The following PLCZ1 variants were observed in gnomAD, a reference collection of about 807,000 sequenced individuals.
PLCZ1 encodes 1-phosphatidylinositol 4,5-bisphosphate phosphodiesterase zeta-1.
A neutral mutation model predicts 76.8 loss-of-function variants in PLCZ1; 64 were observed. That is an observed-to-expected ratio of 0.83 (90% CI 0.68 to 1.03). The LOEUF (loss-of-function observed/expected upper bound fraction) is 1.03. Among genes scored for constraint, PLCZ1 ranks in the 50% least tolerant of loss-of-function variants. The pLI, the probability that PLCZ1 is intolerant of heterozygous loss-of-function variation, is 0.00. For missense variants in PLCZ1, 751 were observed against 713.7 expected (o/e 1.05, Z -0.60); for synonymous variants, 248 against 230.8 (o/e 1.07, Z -0.68).
rs1199724639 is a variant in PLCZ1 at position 18,699,895 on chromosome 12, G to A, written c.1073C>T (p.Ala358Val). The A allele has an allele frequency of 1.2e-6, 2 of 1,612,410 alleles. No homozygotes were observed. Among genetic ancestry groups the A allele is most frequent in the Admixed American group, 1.7e-5 (1 of 59,924 alleles). ...ATGTTGAAAGCTTTTGAATTTCTCA[G>A]CTTTCGTATAAATGACAAGATCAGA... is the stretch of plus-strand genomic sequence containing the variant. ...ALSDLVIYTK[A>V]EKFKSFQHSR... Residue 358 changes from alanine to valine, a missense_variant, in exon 10 of 15, where the codon GCT becomes GTT. Transcript: ENST00000266505.
intron 13 of PLCZ1, among the ~76,000 whole-genome samples, chr12:18,686,798 A>G (rs1953222448): frequency 6.6e-6 from 1 of 152,106 alleles, no homozygotes; most frequent in Non-Finnish European, 1.5e-5. Flanking sequence ...TTTAATAAAC[A>G]GATTTTAAGT....
chr12:18,653,419 A>G, the PLCZ1 span, among the ~76,000 whole-genome samples: 1 of 152,208 alleles, frequency 6.6e-6, no homozygotes, highest in Non-Finnish European at 1.5e-5. Context: ...CTCTCAATGC[A>G]ATGGGCTTCT....
chr12:18,701,917 T>TA, intron 7 of PLCZ1, 141 bp from the exon 8 acceptor site: 3 of 1,210,528 alleles, frequency 2.5e-6, no homozygotes, highest in South Asian at 1.6e-5. Context: ...CCCATACCCC[T>TA]ATTCACATCT....
chr12:18,694,041 C>T (rs11044250), intron 12 of PLCZ1: 1 of 1,402,830 alleles, frequency 7.1e-7, no homozygotes, highest in African/African-American at 1.4e-5. Flanking sequence ...TTCAAAAAAT[C>T]TAAAGAAAAT....
the PLCZ1 span, among the ~76,000 whole-genome samples, chr12:18,664,247 C>A: frequency 6.6e-6 from 1 of 152,196 alleles, no homozygotes; most frequent in South Asian, 2.1e-4. Flanking sequence ...AGATTTACCA[C>A]ATAATCCTAC....
At chr12:18,720,491 C>G (rs1020220599) in intron 4 of PLCZ1, among the ~76,000 whole-genome samples, 6 of 151,168 alleles carry the variant, frequency 4.0e-5, no homozygotes, top group Non-Finnish European at 1.5e-5. Context: ...AAGACTGGCT[C>G]TGGAAACAGC....
At chr12:18,723,564 G>A in intron 3 of PLCZ1, 22 bp from the exon 4 acceptor site, 1 of 1,563,804 alleles carries the variant, frequency 6.4e-7, no homozygotes, top group Non-Finnish European at 8.8e-7. Context: ...ATGACTGGTG[G>A]GCTCACATTG....
At chr12:18,648,960 G>T in the PLCZ1 span, among the ~76,000 whole-genome samples, 1 of 151,960 alleles carries the variant, frequency 6.6e-6, no homozygotes, top group Admixed American at 6.6e-5. Flanking sequence ...AAAAATCTAA[G>T]CTTTTTCCCA....
chr12:18,703,432 G>C (rs759890718), intron 7 of PLCZ1, among the ~76,000 whole-genome samples: 13 of 152,160 alleles, frequency 8.5e-5, no homozygotes, highest in Non-Finnish European at 1.3e-4. Context: ...TTCAGCCCTG[G>C]AAACTTAGTC....
intron 10 of PLCZ1, among the ~76,000 whole-genome samples, chr12:18,697,414 A>T (rs1356204674): frequency 1.3e-5 from 2 of 152,134 alleles, no homozygotes; most frequent in Non-Finnish European, 2.9e-5. Flanking sequence ...GTCCTAACAG[A>T]TGTCTGTCCT....
chr12:18,650,732 A>G, the PLCZ1 span, among the ~76,000 whole-genome samples: 7 of 26,614 alleles, frequency 2.6e-4, no homozygotes, highest in African/African-American at 2.1e-3. Context: ...ATATATATAT[A>G]TATATATATA....
At chr12:18,695,202 T>C in intron 11 of PLCZ1, 123 bp from the exon 12 acceptor site, 1 of 931,580 alleles carries the variant, frequency 1.1e-6, no homozygotes, top group Non-Finnish European at 1.7e-6. Flanking sequence ...GCAAGTATCA[T>C]TAGCCTAATA....
chr12:18,729,001 C>A (rs1958903024), intron 3 of PLCZ1, among the ~76,000 whole-genome samples: 1 of 150,918 alleles, frequency 6.6e-6, no homozygotes, highest in Non-Finnish European at 1.5e-5. Flanking sequence ...GAAATAATTT[C>A]TCTCTCTCTC....
the PLCZ1 span, among the ~76,000 whole-genome samples, chr12:18,660,480 C>T: frequency 6.6e-6 from 1 of 152,072 alleles, no homozygotes; most frequent in South Asian, 2.1e-4. Context: ...TTCTCCTTTT[C>T]CCCTTTTGAG....
chr12:18,707,072 C>T (rs921289748), intron 6 of PLCZ1, among the ~76,000 whole-genome samples: 8 of 152,200 alleles, frequency 5.3e-5, no homozygotes, highest in Non-Finnish European at 1.0e-4. Flanking sequence ...TCAAATCTCT[C>T]TCTACTTCCT....
At chr12:18,656,930 C>G in the PLCZ1 span, among the ~76,000 whole-genome samples, 2 of 152,118 alleles carry the variant, frequency 1.3e-5, no homozygotes, top group Admixed American at 1.3e-4. Context: ...ATCTCCTGCT[C>G]CCAGCTCAAC....
rs1178023070 is a variant in PLCZ1 at position 18,705,244 on chromosome 12, G to T, written c.786C>A (p.Asp262Glu). The change falls in exon 7 of 15, where the codon GAC becomes GAA. Residue 262 changes from aspartate to glutamate, a missense_variant. Asp to Glu is a conservative substitution (Grantham distance 45). Transcript: ENST00000266505. ...CSTAQQEVMA[D>E]NLQATFGESL... ...ACTCTCCAAAAGTAGCCTGCAAATT[G>T]TCTGCCATTACTTCTTGTTGGGCAG... 2.5e-6 allele frequency: 4 copies of T among 1,614,022 alleles called. No individual in the cohort carries two copies. Among genetic ancestry groups the T allele is most frequent in the Non-Finnish European group, 3.4e-6 (4 of 1,179,990 alleles).
At chr12:18,670,554 A>T in the PLCZ1 span, among the ~76,000 whole-genome samples, 1 of 152,156 alleles carries the variant, frequency 6.6e-6, no homozygotes, top group Admixed American at 6.5e-5. Context: ...ATCTCCAGGG[A>T]TTGATATGAG....
intron 12 of PLCZ1, among the ~76,000 whole-genome samples, chr12:18,694,471 G>T (rs971457914): frequency 6.6e-6 from 1 of 152,044 alleles, no homozygotes; most frequent in East Asian, 1.9e-4. Flanking sequence ...AGACATATGG[G>T]GGGAAGAATC....
Sources: gnomAD v4.1 joint callset for allele counts (sites outside exome capture counted in the v4.1 genomes callset) on GRCh38, gnomAD v4.1.1 for gene constraint, MANE v1.5 for transcripts, NCBI Gene and HGNC (gene_info 2026-07-23, HGNC 2026-07-21) for gene names.